USP54: variants seen among roughly 807,000 people sequenced by gnomAD.
The protein encoded by USP54 is ubiquitin specific peptidase 54, also known as ubiquitin carboxyl-terminal hydrolase 54.
Under a neutral mutation model 170.5 loss-of-function variants are expected in USP54, and 87 were observed. The ratio of observed to expected loss-of-function variants is 0.51; its 90% CI spans 0.43 to 0.61. The LOEUF is 0.61. Among genes scored for constraint, USP54 ranks in the 20% least tolerant of loss-of-function variants. The pLI, the probability that USP54 is intolerant of heterozygous loss-of-function variation, is 0.00. For synonymous variants in USP54, 655 were observed against 742.8 expected (o/e 0.88, Z 1.92); for missense variants, 1,786 against 2,047.8 (o/e 0.87, Z 2.47).
rs1297385214 is a variant in USP54, at chr10:73,550,527, G to A, written c.241-4855C>T. Reference sequence around the variant, plus strand: ...GTCATACTATATATTTTACTTGTCTGATTCCAATATTGAGAATATAAGACA... The same window carrying A: ...GTCATACTATATATTTTACTTGTCTAATTCCAATATTGAGAATATAAGACA... On this transcript the variant is annotated intron_variant, in intron 4 of 23. Transcript: ENST00000687698. Among the ~76,000 whole-genome samples the A allele has an allele frequency of 3.3e-5, 5 of 152,100 alleles. No homozygotes were observed. In the East Asian group the frequency reaches 9.6e-4, roughly 29 times the overall value.
chr10:73,547,497 A>C (rs1033050804), intron 4 of USP54, among the ~76,000 whole-genome samples: 2 of 152,356 alleles, frequency 1.3e-5, no homozygotes, highest in African/African-American at 4.8e-5. Context: ...ACAAGACTAC[A>C]GTAACCAAAA....
intron 4 of USP54, among the ~76,000 whole-genome samples, chr10:73,560,540 T>G (rs1386892174): frequency 6.7e-6 from 1 of 149,356 alleles, no homozygotes; most frequent in African/African-American, 2.5e-5. Context: ...GGCGGGTGCC[T>G]GTAGTCCCAG....
intron 20 of USP54, among the ~76,000 whole-genome samples, chr10:73,509,126 A>G (rs2059780748): frequency 6.7e-6 from 1 of 148,832 alleles, no homozygotes; most frequent in South Asian, 2.1e-4. Context: ...AAAAAAAAAA[A>G]GACTTAAGAG....
intron 4 of USP54, among the ~76,000 whole-genome samples, chr10:73,571,030 C>T (rs1335638465): frequency 2.0e-5 from 3 of 147,640 alleles, no homozygotes; most frequent in Admixed American, 1.4e-4. Context: ...CCCAGCTACT[C>T]GGGAGGCTGA....
At chr10:73,513,964 C>T (rs2060630110) in intron 20 of USP54, among the ~76,000 whole-genome samples, 1 of 151,956 alleles carries the variant, frequency 6.6e-6, no homozygotes, top group Non-Finnish European at 1.5e-5. Flanking sequence ...TACAGGTGCC[C>T]GCCACCATGC....
intron 1 of USP54, among the ~76,000 whole-genome samples, chr10:73,612,604 G>A (rs1373711827): frequency 6.6e-6 from 1 of 152,100 alleles, no homozygotes; most frequent in Non-Finnish European, 1.5e-5. Flanking sequence ...CACTTAGGGA[G>A]GCCAAGGCTG....
intron 15 of USP54, among the ~76,000 whole-genome samples, chr10:73,527,311 A>G (rs916891488): frequency 6.6e-6 from 1 of 152,098 alleles, no homozygotes; most frequent in African/African-American, 2.4e-5. Flanking sequence ...CATCCTGGCC[A>G]ACATGGTGAA....
chr10:73,580,608 T>A (rs1401650716), intron 1 of USP54, among the ~76,000 whole-genome samples: 1 of 152,150 alleles, frequency 6.6e-6, no homozygotes, highest in Non-Finnish European at 1.5e-5. Context: ...GTTTCGCTCT[T>A]CTTGCCCAGG....
In USP54 at chr10:73,504,633, C is replaced by A. The variant is rs531331265; in HGVS notation, c.4311+217G>T. 180 of 624,374 alleles carry A rather than the reference C, an allele frequency of 2.9e-4. 1 individual carries two copies. In the South Asian group the frequency reaches 3.5e-3, roughly 12 times the overall value. The allele number at this position is 624,374 out of a possible 1,614,324, so 38.7% of individuals were successfully genotyped here. On this transcript the variant is annotated intron_variant, in intron 22 of 23. Transcript: ENST00000687698. ...ACCCCAGGAAACCCTACAACACGCA[C>A]GGCCTTTCAGAACTGCTACATGGAA...
intron 12 of USP54, 148 bp downstream of exon 12, chr10:73,534,452 T>TCCACCCACCTTGG: frequency 1.4e-6 from 1 of 715,080 alleles, no homozygotes; most frequent in East Asian, 2.9e-5. Flanking sequence ...TACCTCATGA[T>TCCACCCACCTTGG]CCACCCACCT....
intron 23 of USP54, 136 bp downstream of exon 23, chr10:73,500,519 T>C (rs1256687299): frequency 1.2e-6 from 1 of 800,362 alleles, no homozygotes; most frequent in Non-Finnish European, 1.9e-6. Flanking sequence ...ATGCACGACT[T>C]TGAAGCAGTA....
Position 73,575,911 on chromosome 10 carries a change from T to C in USP54, c.-131A>G. ...TCCAAAATGTAACATGGCACAGGAC[T>C]AATGCAAACAGAGAAATCCTTAAGT... On this transcript the variant is annotated 5_prime_UTR_variant, in exon 2 of 24. Coordinates refer to ENST00000687698, the MANE Select transcript of USP54 (RefSeq NM_001391956.1). 1 of 316,820 alleles carries C rather than the reference T, an allele frequency of 3.2e-6. No individual in the cohort carries two copies. The highest frequency in any genetic ancestry group is 5.7e-6 in the Non-Finnish European group (1 of 174,758). 19.6% of individuals were successfully genotyped at this position (316,820 alleles called of 1,614,324 possible). A position where few individuals can be genotyped will look rare whatever the true frequency, so the allele number is the denominator to read the frequency against.
chr10:73,538,104 C>G (rs2065671617), intron 10 of USP54: 1 of 152,166 alleles, frequency 6.6e-6, no homozygotes, highest in East Asian at 1.9e-4. Context: ...ACTCGGGAGG[C>G]TGAGGCACGA....
At chr10:73,530,857 G>T (rs1370844353) in intron 12 of USP54, 22 bp from the exon 13 acceptor site, 2 of 1,613,070 alleles carry the variant, frequency 1.2e-6, no homozygotes, top group African/African-American at 1.3e-5. Context: ...AGGAAATTGG[G>T]GTAAGCTGGT....
At chr10:73,514,108 T>C (rs115460504) in intron 20 of USP54, among the ~76,000 whole-genome samples, 7,468 of 152,158 alleles carry the variant, frequency 0.049, 556 homozygotes, top group African/African-American at 0.16. Flanking sequence ...TGGGCCACCG[T>C]GCCCAGCTAA....
chr10:73,505,168 C>T (rs2058884427), intron 21 of USP54, 140 bp downstream of exon 21: 2 of 1,235,000 alleles, frequency 1.6e-6, no homozygotes, highest in African/African-American at 1.5e-5. Context: ...TCAAAAGAAG[C>T]CCAATCATAG....
intron 7 of USP54, 134 bp from the exon 8 acceptor site, chr10:73,541,872 C>T: frequency 1.3e-6 from 1 of 791,306 alleles, no homozygotes; most frequent in Non-Finnish European, 2.0e-6. Flanking sequence ...TGACCAGGCT[C>T]AGTGTCCCAT....
chr10:73,536,008 T>A (rs2133449116), intron 11 of USP54, among the ~76,000 whole-genome samples: 1 of 152,324 alleles, frequency 6.6e-6, no homozygotes, highest in Non-Finnish European at 1.5e-5. Flanking sequence ...GCAAACTTAA[T>A]ATCTCAGTCT....
chr10:73,531,451 G>C (rs1171379888), intron 12 of USP54, among the ~76,000 whole-genome samples: 1 of 152,142 alleles, frequency 6.6e-6, no homozygotes, highest in East Asian at 1.9e-4. Flanking sequence ...AAGTTTTAAA[G>C]ATTATATAAA....
Sources: allele counts gnomAD v4.1 joint callset (sites outside exome capture counted in the v4.1 genomes callset), GRCh38; gene constraint gnomAD v4.1.1; transcripts MANE v1.5; gene names NCBI Gene and HGNC (gene_info 2026-07-23, HGNC 2026-07-21).